ATM: variants seen among roughly 807,000 people sequenced by gnomAD.
The protein encoded by ATM is ATM serine/threonine kinase.
In ATM, 308 loss-of-function variants were observed where a neutral mutation model predicts 387.0. The observed-to-expected ratio is 0.80, with a 90% CI of 0.73 to 0.87. ATM has a LOEUF of 0.87. Among genes scored for constraint, ATM ranks in the 40% least tolerant of loss-of-function variants. The pLI is 0.00. For synonymous variants in ATM, 1,156 were observed against 1,187.3 expected, an observed-to-expected ratio of 0.97 and a Z score of 0.54; for missense variants, 3,312 against 3,560.9, an observed-to-expected ratio of 0.93 and a Z score of 1.78.
At chr11:108,229,583 C>T in intron 4 of ATM, 1 of 370,968 alleles carries the variant, frequency 2.7e-6, no homozygotes, top group Non-Finnish European at 4.8e-6. Flanking sequence ...TCGTTGTAAA[C>T]ACCACTGCAC....
chr11:108,295,158 C>T (rs2083054102), intron 32 of ATM, 99 bp downstream of exon 32: 1 of 1,478,502 alleles, frequency 6.8e-7, no homozygotes, highest in East Asian at 2.3e-5. Context: ...AGACTTAGTT[C>T]AGACTCTCAT....
chr11:108,279,400 A>C, intron 22 of ATM, 91 bp from the exon 23 acceptor site: 1 of 914,322 alleles, frequency 1.1e-6, no homozygotes, highest in Non-Finnish European at 1.7e-6. Context: ...AGAGTGATTT[A>C]TTTTTGTTCT....
intron 32 of ATM, chr11:108,296,845 T>C (rs1217271993): frequency 1.0e-5 from 2 of 191,550 alleles, no homozygotes; most frequent in South Asian, 2.0e-4. Context: ...AGTAGTACAT[T>C]TGGTCAGTAG....
chr11:108,295,980 C>T (rs1398354478), intron 32 of ATM: 3 of 151,960 alleles, frequency 2.0e-5, no homozygotes, highest in Non-Finnish European at 4.4e-5. Flanking sequence ...TTTTTAACAC[C>T]TTCCAACCAT....
At position 108,259,027 on chromosome 11, in the gene ATM, G is replaced by T. The variant is rs587781296; in HGVS notation, c.2418G>T (p.Leu806Phe). ...NKIASGFFLR[L>F]LTSKLMNDIA... Reference sequence around the variant, plus strand: ...TTGCATCTGGCTTTTTCCTGCGATTGTTAACATCAAAGCTAATGAATGACA... The same window carrying T: ...TTGCATCTGGCTTTTTCCTGCGATTTTTAACATCAAAGCTAATGAATGACA... Residue 806 changes from leucine to phenylalanine, a missense_variant, in exon 16 of 63, where the codon TTG (leucine) becomes TTT (phenylalanine). This residue lies in a region of ATM where 1,791 missense variants were observed against 1,804.5 expected (regional missense o/e 0.99). Coordinates refer to ENST00000675843, the MANE Select transcript of ATM (RefSeq NM_000051.4). 3.2e-5 allele frequency: 52 copies of T among 1,613,726 alleles called. No homozygotes were observed. The highest frequency in any genetic ancestry group is 4.3e-5 in the Non-Finnish European group (51 of 1,179,956).
chr11:108,355,157 A>G (rs2089743890), intron 61 of ATM: 3 of 419,684 alleles, frequency 7.1e-6, no homozygotes, highest in East Asian at 4.5e-5. Flanking sequence ...GATATTCCAT[A>G]TGGTATTATT....
chr11:108,303,729 C>A (rs927876427), intron 36 of ATM, among the ~76,000 whole-genome samples: 1 of 152,164 alleles, frequency 6.6e-6, no homozygotes, highest in Non-Finnish European at 1.5e-5. Flanking sequence ...AATAAAACAT[C>A]ACCTTCTCTG....
chr11:108,354,732 C>A (rs2089670929), intron 60 of ATM, 79 bp from the exon 61 acceptor site: 1 of 1,207,052 alleles, frequency 8.3e-7, no homozygotes, highest in Non-Finnish European at 1.2e-6. Context: ...GCATACTACA[C>A]ATGAGAGTAT....
chr11:108,272,710 C>T lies in ATM; in HGVS notation c.3154-12C>T, dbSNP rs781387283. On this transcript the variant is annotated splice_polypyrimidine_tract_variant and intron_variant, in intron 21 of 62. Transcript: ENST00000675843. ...CTCTATTTCATATTTAACCACAGTT[C>T]TTTTCCCGTAGGCTGATCCTTATTC... The T allele has an allele frequency of 6.2e-7, 1 of 1,613,862 alleles. No homozygotes were observed. Among genetic ancestry groups the T allele is most frequent in the Admixed American group, 1.7e-5 (1 of 60,022 alleles).
chr11:108,300,573 C>T (rs1485076365), intron 34 of ATM, among the ~76,000 whole-genome samples: 1 of 152,164 alleles, frequency 6.6e-6, no homozygotes, highest in African/African-American at 2.4e-5. Context: ...CTGTACTTCC[C>T]TTCCTCCTTC....
At position 108,272,825 on chromosome 11, in the gene ATM, G is replaced by T. The variant is rs769857066; in HGVS notation, c.3257G>T (p.Arg1086Leu). Residue 1086 changes from arginine (R) to leucine (L), a missense_variant, in exon 22 of 63, where the codon CGC becomes CTC. Arg to Leu is a moderately radical substitution (Grantham distance 102). Coordinates refer to ENST00000675843, the MANE Select transcript of ATM (RefSeq NM_000051.4). ...QFLADNHHQV[R>L]MLAAESINRL... ...CTTGCTGACAATCATCACCAAGTTC[G>T]CATGTTGGCTGCAGAGTCAATCAAT... The T allele has an allele frequency of 2.5e-6, 4 of 1,613,994 alleles. No individual in the cohort carries two copies. The highest frequency in any genetic ancestry group is 8.5e-7 in the Non-Finnish European group (1 of 1,179,988).
At chr11:108,351,071 T>C (rs1438350528) in intron 59 of ATM, among the ~76,000 whole-genome samples, 2 of 152,220 alleles carry the variant, frequency 1.3e-5, no homozygotes, top group South Asian at 2.1e-4. Flanking sequence ...TCTTTGTATA[T>C]AATGAGATTG....
chr11:108,235,656 T>G lies in ATM; in HGVS notation c.332-14T>G. On this transcript the variant is annotated splice_polypyrimidine_tract_variant and intron_variant, in intron 4 of 62. Coordinates refer to ENST00000675843, the MANE Select transcript of ATM (RefSeq NM_000051.4). ...CAAATTTATGTTTTTCTTTATTTGTTTATTTTGAAATAGGAGCACCTAGGC... is the reference window on the plus strand; with the variant it reads ...CAAATTTATGTTTTTCTTTATTTGTGTATTTTGAAATAGGAGCACCTAGGC... 1 of 1,588,864 alleles carries G rather than the reference T, an allele frequency of 6.3e-7. No individual in the cohort carries two copies.
intron 34 of ATM, among the ~76,000 whole-genome samples, chr11:108,300,850 G>T: frequency 7.0e-6 from 1 of 143,144 alleles, no homozygotes; most frequent in African/African-American, 2.6e-5. Context: ...GTCTATCCTT[G>T]TGTTAACATG....
In ATM at chr11:108,253,794, A is replaced by T. The variant is rs774707302; in HGVS notation, c.1899-20A>T. ...CATTAGGTACTTGGTTTATATATTA[A>T]AGATCTTACTTTCTTGAAGTGAACA... On this transcript the variant is annotated intron_variant, in intron 12 of 62. Coordinates refer to ENST00000675843, the MANE Select transcript of ATM (RefSeq NM_000051.4). 1.3e-6 allele frequency: 2 copies of T among 1,592,284 alleles called. No homozygotes were observed. The highest frequency in any genetic ancestry group is 2.2e-5 in the South Asian group (2 of 90,356).
At position 108,259,017 on chromosome 11, in the gene ATM, T is replaced by C. The variant is rs751218526; in HGVS notation, c.2408T>C (p.Phe803Ser). The change falls in exon 16 of 63, where the codon TTC (phenylalanine) becomes TCC (serine). Residue 803 changes from phenylalanine (F) to serine (S), a missense_variant. Phe to Ser is a radical substitution (Grantham distance 155, BLOSUM62 -2). Coordinates refer to ENST00000675843, the MANE Select transcript of ATM (RefSeq NM_000051.4). ...KSPNKIASGF[F>S]LRLLTSKLMN... ...CCAAATAAGATTGCATCTGGCTTTT[T>C]CCTGCGATTGTTAACATCAAAGCTA... 1 of 1,613,918 alleles carries C rather than the reference T, an allele frequency of 6.2e-7. No individual in the cohort carries two copies. The highest frequency in any genetic ancestry group is 1.7e-4 in the Middle Eastern group (1 of 6,050).
At chr11:108,347,195 C>A in intron 58 of ATM, 84 bp from the exon 59 acceptor site, 1 of 1,033,446 alleles carries the variant, frequency 9.7e-7, no homozygotes, top group South Asian at 1.3e-5. Context: ...TATACCAAGT[C>A]AGTGGTCTTA....
rs2136561475 is a variant in ATM at position 108,332,774 on chromosome 11, G to T, written c.7801G>T (p.Ala2601Ser). 6.2e-7 allele frequency: 1 copy of T among 1,612,946 alleles called. No homozygotes were observed. Residue 2601 changes from alanine to serine, a missense_variant, in exon 53 of 63, where the codon GCT (alanine) becomes TCT (serine). Physicochemically the swap from Ala to Ser is moderately conservative, Grantham distance 99. Coordinates refer to ENST00000675843, the MANE Select transcript of ATM (RefSeq NM_000051.4). Reference sequence around the variant, plus strand: ...TTTTTATTAATAGGATCGAACAGAGGCTGCAAATAGAATAATATGTACTAT... The same window carrying T: ...TTTTTATTAATAGGATCGAACAGAGTCTGCAAATAGAATAATATGTACTAT... ...SSQLDEDRTE[A>S]ANRIICTIRS...
At chr11:108,346,885 T>G (rs578031469) in intron 58 of ATM, among the ~76,000 whole-genome samples, 1 of 152,100 alleles carries the variant, frequency 6.6e-6, no homozygotes, top group African/African-American at 2.4e-5. Context: ...CACTGAAGAG[T>G]GAAGAGTTTA....
Sources: gnomAD v4.1 joint callset for allele counts (sites outside exome capture counted in the v4.1 genomes callset) on GRCh38, gnomAD v4.1.1 for gene constraint, gnomAD v4.1.1 regional missense constraint, MANE v1.5 for transcripts, NCBI Gene and HGNC (gene_info 2026-07-23, HGNC 2026-07-21) for gene names.